BAZ1B: variants seen among roughly 807,000 people sequenced by gnomAD.
BAZ1B encodes bromodomain adjacent to zinc finger domain 1B.
Under a neutral mutation model 153.8 loss-of-function variants are expected in BAZ1B, and 22 were observed. The observed-to-expected ratio is 0.14, with a 90% CI of 0.10 to 0.20. The LOEUF (loss-of-function observed/expected upper bound fraction) is 0.20. BAZ1B is among the 10% of genes least tolerant of loss of function. BAZ1B has a pLI of 1.00. For missense variants in BAZ1B, 1,325 were observed against 1,799.3 expected (o/e 0.74, Z 4.77); for synonymous variants, 676 against 633.4 (o/e 1.07, Z -1.01).
chr7:73,489,501 A>G, intron 5 of BAZ1B, 110 bp from the exon 6 acceptor site: 1 of 1,074,402 alleles, frequency 9.3e-7, no homozygotes, highest in Admixed American at 2.2e-5. Flanking sequence ...ATCTATATCA[A>G]CAGGGCTACA....
At chr7:73,469,443 G>T in intron 9 of BAZ1B, 74 bp downstream of exon 9, 1 of 1,555,396 alleles carries the variant, frequency 6.4e-7, no homozygotes. Context: ...AAACGTGACA[G>T]AGGAAAAGCA....
chr7:73,507,627 A>G (rs1461362969), intron 3 of BAZ1B, among the ~76,000 whole-genome samples: 1 of 152,248 alleles, frequency 6.6e-6, no homozygotes, highest in Admixed American at 6.5e-5. Context: ...GATGAAAAAG[A>G]CAAAGGACAG....
chr7:73,449,719 T>C (rs529040759), intron 14 of BAZ1B, 30 bp from the exon 15 acceptor site: 3 of 1,610,814 alleles, frequency 1.9e-6, no homozygotes, highest in East Asian at 2.2e-5. Flanking sequence ...AATAGCATTG[T>C]TGGGAGCACA....
intron 14 of BAZ1B, 22 bp from the exon 15 acceptor site, chr7:73,449,711 T>G (rs782720818): frequency 6.2e-7 from 1 of 1,612,458 alleles, no homozygotes; most frequent in Non-Finnish European, 8.5e-7. Context: ...TAAATGTGAA[T>G]AGCATTGTTG....
At chr7:73,463,856 C>T (rs183200848) in intron 11 of BAZ1B, among the ~76,000 whole-genome samples, 64 of 152,178 alleles carry the variant, frequency 4.2e-4, no homozygotes, top group African/African-American at 1.4e-3. Context: ...TACAGGCACC[C>T]GCCACCATGC....
At chr7:73,510,575 C>T (rs1176364295) in intron 2 of BAZ1B, among the ~76,000 whole-genome samples, 161 bp downstream of exon 2, 1 of 152,168 alleles carries the variant, frequency 6.6e-6, no homozygotes, top group Non-Finnish European at 1.5e-5. Flanking sequence ...CTGCAAAATG[C>T]CATTAGGCAA....
At chr7:73,448,033 C>T (rs144486816) in intron 15 of BAZ1B, among the ~76,000 whole-genome samples, 5 of 152,278 alleles carry the variant, frequency 3.3e-5, no homozygotes, top group East Asian at 1.9e-4. Context: ...GGCCGGGCAC[C>T]GTGGCTCACG....
rs782216219 is a variant in BAZ1B at position 73,506,881 on chromosome 7, C to CTT, written c.369+1444_369+1445dup. Among the ~76,000 whole-genome samples, 897 of 123,262 alleles carry CTT rather than the reference C, an allele frequency of 7.3e-3. 29 individuals are homozygous for CTT. The highest frequency in any genetic ancestry group is 0.026 in the African/African-American group (863 of 33,194). 80.9% of individuals were successfully genotyped at this position (123,262 alleles called of 152,430 possible). A position where few individuals can be genotyped will look rare whatever the true frequency, so the allele number is the denominator to read the frequency against. On this transcript the variant is annotated intron_variant, in intron 3 of 19. Coordinates refer to ENST00000339594, the MANE Select transcript of BAZ1B (RefSeq NM_032408.4). ...AAAAAAAAAAAAAAAGTCTTAAAGT[C>CTT]TTTTTTTTTTTTTTTGAGATGGAGT...
Position 73,482,466 on chromosome 7 carries a change from T to C in BAZ1B, c.892-3897A>G, listed in dbSNP as rs73702535. ...ACATACAGGCGGACATTTTTTCTAA[T>C]GCTCAGAACAACAGATTATATATTT... On this transcript the variant is annotated intron_variant, in intron 6 of 19. Coordinates refer to ENST00000339594, the MANE Select transcript of BAZ1B (RefSeq NM_032408.4). 3.3e-3 allele frequency among the ~76,000 whole-genome samples: 504 copies of C among 152,340 alleles called. 4 individuals are homozygous for C. Among genetic ancestry groups the C allele is most frequent in the African/African-American group, 0.011 (473 of 41,582 alleles).
intron 15 of BAZ1B, among the ~76,000 whole-genome samples, chr7:73,447,731 T>C (rs1787890513): frequency 1.3e-5 from 2 of 152,110 alleles, no homozygotes; most frequent in Admixed American, 6.5e-5. Flanking sequence ...ATGTAATACA[T>C]CAGTTACTAA....
chr7:73,519,852 G>A (rs1415195068), intron 1 of BAZ1B, among the ~76,000 whole-genome samples: 3 of 152,124 alleles, frequency 2.0e-5, no homozygotes, highest in African/African-American at 7.2e-5. Flanking sequence ...TAATGACATT[G>A]GAAAAGTATA....
At position 73,446,004 on chromosome 7, in the gene BAZ1B, T is replaced by C. The variant is rs187557601; in HGVS notation, c.3844+1260A>G. ...AGGATACCTGAAAAATCAGGCGTAG[T>C]GAACAAACAAAAAGAGCCCATACGT... On this transcript the variant is annotated intron_variant, in intron 16 of 19. Coordinates refer to ENST00000339594, the MANE Select transcript of BAZ1B (RefSeq NM_032408.4). Among the ~76,000 whole-genome samples, 9 of 152,130 alleles carry C rather than the reference T, an allele frequency of 5.9e-5. No homozygotes were observed. In the East Asian group the frequency reaches 1.5e-3, roughly 26 times the overall value.
chr7:73,469,940 TC>T (rs1435451289), intron 8 of BAZ1B, among the ~76,000 whole-genome samples: 1 of 152,192 alleles, frequency 6.6e-6, no homozygotes, highest in Non-Finnish European at 1.5e-5. Context: ...ACTCCTGGCC[TC>T]AAGCAATCCT....
At chr7:73,460,164 G>C (rs1244191915) in intron 12 of BAZ1B, among the ~76,000 whole-genome samples, 2 of 148,366 alleles carry the variant, frequency 1.3e-5, no homozygotes, top group African/African-American at 5.0e-5. Context: ...ACTCCAGTCT[G>C]GGTGACACAG....
At chr7:73,467,805 C>T (rs1362910135) in intron 9 of BAZ1B, among the ~76,000 whole-genome samples, 1 of 152,148 alleles carries the variant, frequency 6.6e-6, no homozygotes, top group Non-Finnish European at 1.5e-5. Context: ...AGTAACACTC[C>T]TTCATCCCAC....
intron 6 of BAZ1B, among the ~76,000 whole-genome samples, chr7:73,485,409 C>T (rs2116365350): frequency 6.6e-6 from 1 of 151,946 alleles, no homozygotes; most frequent in Admixed American, 6.6e-5. Flanking sequence ...TCACTTGAGA[C>T]CAGGAGCTCA....
At chr7:73,445,448 C>T (rs1787797217) in intron 16 of BAZ1B, among the ~76,000 whole-genome samples, 1 of 152,118 alleles carries the variant, frequency 6.6e-6, no homozygotes, top group Non-Finnish European at 1.5e-5. Context: ...CTTCCCAGAT[C>T]CTTTTGGCAA....
chr7:73,521,681 G>C (rs1441306425), intron 1 of BAZ1B, 146 bp downstream of exon 1: 23 of 531,958 alleles, frequency 4.3e-5, no homozygotes, highest in Non-Finnish European at 6.3e-5. Context: ...CGCAGGCTGA[G>C]ACTCAGCCTC....
At chr7:73,465,351 T>G in intron 11 of BAZ1B, 88 bp downstream of exon 11, 3 of 880,890 alleles carry the variant, frequency 3.4e-6, no homozygotes, top group Non-Finnish European at 5.1e-6. Flanking sequence ...CTTTAGTAAC[T>G]TAAATGGATA....
Sources: allele counts gnomAD v4.1 joint callset (sites outside exome capture counted in the v4.1 genomes callset), GRCh38; gene constraint gnomAD v4.1.1; transcripts MANE v1.5; gene names NCBI Gene and HGNC (gene_info 2026-07-23, HGNC 2026-07-21).